The following OTUD4 variants were observed in gnomAD, a reference collection of about 807,000 sequenced individuals.
OTUD4 encodes OTU deubiquitinase 4, also known as OTU domain-containing protein 4.
In OTUD4, 24 loss-of-function variants were observed where a neutral mutation model predicts 130.4. The observed-to-expected ratio is 0.18, with a 90% CI of 0.13 to 0.26. The LOEUF (loss-of-function observed/expected upper bound fraction) is 0.26. OTUD4 is among the 10% of genes least tolerant of loss of function. The probability of loss-of-function intolerance (pLI) is 1.00; values close to 1 mark genes in which losing one functional copy is unlikely to be tolerated. For missense variants in OTUD4, 1,031 were observed against 1,329.4 expected, an observed-to-expected ratio of 0.78 and a Z score of 3.49; for synonymous variants, 420 against 472.5, an observed-to-expected ratio of 0.89 and a Z score of 1.44.
In OTUD4 at chr4:145,179,646, C is replaced by T. The variant is rs1423612776; in HGVS notation, c.159+169G>A. On this transcript the variant is annotated intron_variant, in intron 1 of 20. Transcript: ENST00000447906. ...CGAGTTTCAATTTGCACCTTTCAGA[C>T]GCAAAGCAGCGTCCCACTCCGGCGT... 3.6e-6 allele frequency: 5 copies of T among 1,400,530 alleles called. No individual in the cohort carries two copies. In the African/African-American group the frequency reaches 4.6e-5, roughly 13 times the overall value. The allele number at this position is 1,400,530 out of a possible 1,614,324, so 86.8% of individuals were successfully genotyped here. A position where few individuals can be genotyped will look rare whatever the true frequency, so the allele number is the denominator to read the frequency against.
intron 7 of OTUD4, among the ~76,000 whole-genome samples, chr4:145,156,846 A>G (rs1751320245): frequency 6.6e-6 from 1 of 152,196 alleles, no homozygotes; most frequent in South Asian, 2.1e-4. Flanking sequence ...CTGACCCTTG[A>G]ACAACATAGG....
intron 3 of OTUD4, among the ~76,000 whole-genome samples, chr4:145,168,869 T>C (rs1192080553): frequency 3.3e-5 from 5 of 152,250 alleles, no homozygotes; most frequent in African/African-American, 1.2e-4. Flanking sequence ...GCAGCTTCAA[T>C]TTTAACAACC....
In OTUD4 at chr4:145,157,195, T is replaced by C. The variant is rs184134356; in HGVS notation, c.630-1199A>G. ...GTATGTTAAATGCTGATAACTGCTA[T>C]AAAGAAAAAAAAATAAGTAGGCAAA... On this transcript the variant is annotated intron_variant, in intron 7 of 20. Coordinates refer to ENST00000447906, the MANE Select transcript of OTUD4 (RefSeq NM_001366057.1). Among the ~76,000 whole-genome samples, 169 of 151,984 alleles carry C rather than the reference T, an allele frequency of 1.1e-3. 1 individual carries two copies. Among genetic ancestry groups the C allele is most frequent in the Non-Finnish European group, 1.2e-3 (83 of 67,936 alleles).
At chr4:145,140,209 C>T (rs1750495111) in intron 19 of OTUD4, among the ~76,000 whole-genome samples, 1 of 152,094 alleles carries the variant, frequency 6.6e-6, no homozygotes, top group African/African-American at 2.4e-5. Flanking sequence ...TGTCTGTTAG[C>T]ATATAAATCC....
At position 145,134,031 on chromosome 4, in the gene OTUD4, T is replaced by C. The variant is rs1750123999; in HGVS notation, c.*3399A>G. ...GCAATTTTTAATCCATTCAAGTAAGTTCAACCCCAAAGTTGCCGCTTCCCA... is the reference window on the plus strand; with the variant it reads ...GCAATTTTTAATCCATTCAAGTAAGCTCAACCCCAAAGTTGCCGCTTCCCA... On this transcript the variant is annotated 3_prime_UTR_variant, in exon 21 of 21. Transcript: ENST00000447906. 6.6e-6 allele frequency: 1 copy of C among 152,644 alleles called. No individual in the cohort carries two copies. The highest frequency in any genetic ancestry group is 1.5e-5 in the Non-Finnish European group (1 of 68,046). The allele number at this position is 152,644 out of a possible 1,614,324, so 9.5% of individuals were successfully genotyped here.
rs746050232 is a variant in OTUD4 at position 145,143,968 on chromosome 4, C to T, written c.1580G>A (p.Arg527Lys). The change falls in exon 16 of 21, where the codon AGA becomes AAA. Residue 527 changes from arginine to lysine, a missense_variant. Physicochemically the swap from Arg to Lys is conservative, Grantham distance 26 (BLOSUM62 2). Transcript: ENST00000447906. ...TACCTCCAATGTGCTTGGTTCGGGTCTTTTATCCAACTGACTATGTCCATG... is the reference window on the plus strand; with the variant it reads ...TACCTCCAATGTGCTTGGTTCGGGTTTTTTATCCAACTGACTATGTCCATG... Reference protein sequence around the residue: ...SIHGHSQLDKRPEPSTLENIT... With the variant: ...SIHGHSQLDKKPEPSTLENIT... The T allele has an allele frequency of 4.3e-6, 7 of 1,613,128 alleles. No individual in the cohort carries two copies. In the Admixed American group the frequency reaches 1.2e-4, roughly 27 times the overall value.
chr4:145,135,668 CCA>C lies in OTUD4; in HGVS notation c.*1760_*1761del, dbSNP rs1171688600. The C allele has an allele frequency of 6.6e-6, 1 of 152,614 alleles. No individual in the cohort carries two copies. The highest frequency in any genetic ancestry group is 1.5e-5 in the Non-Finnish European group (1 of 68,024). The allele number at this position is 152,614 out of a possible 1,614,324, so 9.5% of individuals were successfully genotyped here. ...AATAGGTTCTCTCAAGAAAAGTTTT[CCA>C]CACAACCATCCCAGTCTTTACAATT... On this transcript the variant is annotated 3_prime_UTR_variant, in exon 21 of 21. Transcript: ENST00000447906.
intron 8 of OTUD4, 112 bp from the exon 9 acceptor site, chr4:145,155,798 A>G: frequency 1.0e-6 from 1 of 990,012 alleles, no homozygotes. Flanking sequence ...AAAAATTAGG[A>G]AGCCACCAAA....
At chr4:145,159,250 C>A in intron 7 of OTUD4, 1 of 1,269,186 alleles carries the variant, frequency 7.9e-7, no homozygotes, top group South Asian at 1.8e-5. Flanking sequence ...ATTTATTCTA[C>A]AAATATGCAT....
chr4:145,140,025 ATATCTGCAGAGATTTTTT>A (rs1750486574), intron 19 of OTUD4, 34 bp from the exon 20 acceptor site: 1 of 647,440 alleles, frequency 1.5e-6, no homozygotes. Context: ...TTAAAATTAT[ATATCTGCAGAGATTTTTT>A]TAAATCATCC....
chr4:145,140,345 T>C (rs537006144), intron 19 of OTUD4, among the ~76,000 whole-genome samples: 4 of 152,334 alleles, frequency 2.6e-5, no homozygotes, highest in Non-Finnish European at 5.9e-5. Context: ...TTGAGAAGAA[T>C]GGTAAAATCA....
Position 145,136,379 on chromosome 4 carries a change from T to C in OTUD4, c.*1051A>G, listed in dbSNP as rs1046722928. 1 of 143,244 alleles carries C rather than the reference T, an allele frequency of 7.0e-6. No homozygotes were observed. The highest frequency in any genetic ancestry group is 2.6e-5 in the African/African-American group (1 of 38,400). 8.9% of individuals were successfully genotyped at this position (143,244 alleles called of 1,614,324 possible). On this transcript the variant is annotated 3_prime_UTR_variant, in exon 21 of 21. Transcript: ENST00000447906. ...TCTAGAAAAGAACTAGAAGTCACAATCATATTATCTTCTATACAATAGTTC... is the reference window on the plus strand; with the variant it reads ...TCTAGAAAAGAACTAGAAGTCACAACCATATTATCTTCTATACAATAGTTC...
At chr4:145,168,413 T>TAAAAAAAA (rs11432018) in intron 3 of OTUD4, among the ~76,000 whole-genome samples, 20 of 122,776 alleles carry the variant, frequency 1.6e-4, no homozygotes, top group East Asian at 7.0e-4. Context: ...AATAAAAAAT[T>TAAAAAAAA]AAAAAAAAAA....
At chr4:145,139,306 G>T (rs1172909970) in intron 20 of OTUD4, among the ~76,000 whole-genome samples, 4 of 152,164 alleles carry the variant, frequency 2.6e-5, no homozygotes, top group Non-Finnish European at 5.9e-5. Flanking sequence ...GTGGTCAGCA[G>T]GCTAAAGGTA....
intron 8 of OTUD4, 45 bp from the exon 9 acceptor site, chr4:145,155,731 A>T (rs746603129): frequency 7.6e-7 from 1 of 1,323,704 alleles, no homozygotes; most frequent in East Asian, 2.3e-5. Flanking sequence ...GTGCTTTTAA[A>T]ACATTTTTGT....
intron 1 of OTUD4, among the ~76,000 whole-genome samples, chr4:145,175,589 G>C (rs541529208): frequency 2.0e-5 from 3 of 151,212 alleles, no homozygotes; most frequent in Non-Finnish European, 4.4e-5. Flanking sequence ...CTGTCACCCA[G>C]GCTAGAGTGC....
intron 20 of OTUD4, among the ~76,000 whole-genome samples, chr4:145,139,351 C>G (rs747084176): frequency 2.0e-5 from 3 of 152,028 alleles, no homozygotes; most frequent in Non-Finnish European, 4.4e-5. Flanking sequence ...TGTCTAGAAC[C>G]CACAAAAACT....
At chr4:145,145,388 A>G (rs538242758) in intron 14 of OTUD4, among the ~76,000 whole-genome samples, 36 of 152,338 alleles carry the variant, frequency 2.4e-4, no homozygotes, top group African/African-American at 8.4e-4. Context: ...GTGCCAGATT[A>G]AACTGCTATT....
rs1750333408 is a variant in OTUD4, at chr4:145,137,449, T to A, written c.3326A>T (p.His1109Leu). Residue 1109 changes from histidine to leucine, a missense_variant, in exon 21 of 21, where the codon CAT becomes CTT. His to Leu is a moderately conservative substitution (Grantham distance 99). Around this residue, in one of 3 missense-constraint regions of OTUD4, gnomAD observed 900 missense variants for 1,095.9 expected, o/e 0.82. Coordinates refer to ENST00000447906, the MANE Select transcript of OTUD4 (RefSeq NM_001366057.1). ...CAACCATCAAGTGTGCTGTCCCCTATGGCCATCTCCCATCCCTGATCTCCT... is the reference window on the plus strand; with the variant it reads ...CAACCATCAAGTGTGCTGTCCCCTAAGGCCATCTCCCATCCCTGATCTCCT... ...DRRRSGMGDGHRGQHT is the reference protein window; with the variant it reads ...DRRRSGMGDGLRGQHT The A allele has an allele frequency of 2.5e-6, 4 of 1,610,274 alleles. No homozygotes were observed. The highest frequency in any genetic ancestry group is 3.4e-6 in the Non-Finnish European group (4 of 1,177,344).
Sources: gnomAD v4.1 joint callset for allele counts (sites outside exome capture counted in the v4.1 genomes callset) on GRCh38, gnomAD v4.1.1 for gene constraint, gnomAD v4.1.1 regional missense constraint, MANE v1.5 for transcripts, NCBI Gene and HGNC (gene_info 2026-07-23, HGNC 2026-07-21) for gene names.